Variants in ROS1 observed in about 807,000 individuals in gnomAD.
ROS1 encodes the protein proto-oncogene tyrosine-protein kinase ROS.
A neutral mutation model predicts 273.5 loss-of-function variants in ROS1; 263 were observed. The observed-to-expected ratio is 0.96, with a 90% CI of 0.87 to 1.06. The LOEUF (loss-of-function observed/expected upper bound fraction) is 1.06. Among genes scored for constraint, ROS1 ranks in the 50% least tolerant of loss-of-function variants. The pLI, the probability that ROS1 is intolerant of heterozygous loss-of-function variation, is 0.00. For missense variants in ROS1, 2,833 were observed against 2,751.1 expected (o/e 1.03, Z -0.67); for synonymous variants, 1,008 against 954.1 (o/e 1.06, Z -1.04).
At chr6:117,348,612 TTTTG>T (rs1421089498) in intron 27 of ROS1, among the ~76,000 whole-genome samples, 2 of 151,888 alleles carry the variant, frequency 1.3e-5, no homozygotes, top group African/African-American at 4.8e-5. Flanking sequence ...TTATTTTTTC[TTTTG>T]TTTTAGTTTT....
chr6:117,364,056 A>T (rs929030569), intron 21 of ROS1, among the ~76,000 whole-genome samples: 3 of 152,098 alleles, frequency 2.0e-5, no homozygotes, highest in Non-Finnish European at 4.4e-5. Flanking sequence ...TCTTGCTCCC[A>T]CTGGATCCCC....
chr6:117,310,523 C>G (rs1775460707), intron 40 of ROS1, among the ~76,000 whole-genome samples: 1 of 151,948 alleles, frequency 6.6e-6, no homozygotes, highest in Non-Finnish European at 1.5e-5. Flanking sequence ...AGGTATTTCT[C>G]CTAATGCTCT....
At chr6:117,423,729 A>G (rs1427103543) in intron 1 of ROS1, among the ~76,000 whole-genome samples, 1 of 151,898 alleles carries the variant, frequency 6.6e-6, no homozygotes, top group Non-Finnish European at 1.5e-5. Flanking sequence ...AACATTTCTC[A>G]ATATCAAGAA....
chr6:117,306,065 C>G (rs1033611339), intron 42 of ROS1, among the ~76,000 whole-genome samples: 2 of 142,288 alleles, frequency 1.4e-5, no homozygotes, highest in Admixed American at 7.1e-5. Flanking sequence ...TAGCACAGGA[C>G]TCATTAGCTA....
At chr6:117,336,717 A>T (rs1018323507) in intron 32 of ROS1, among the ~76,000 whole-genome samples, 2 of 152,104 alleles carry the variant, frequency 1.3e-5, no homozygotes, top group Admixed American at 6.6e-5. Context: ...GTCAAATGGT[A>T]TTTTTGGTTC....
chr6:117,344,646 C>T (rs868529662), intron 27 of ROS1, among the ~76,000 whole-genome samples: 17 of 152,198 alleles, frequency 1.1e-4, no homozygotes, highest in African/African-American at 3.6e-4. Context: ...ATCACTGTGG[C>T]GCACCTCTGT....
chr6:117,347,705 G>GT (rs1427918975), intron 27 of ROS1, among the ~76,000 whole-genome samples: 1 of 151,926 alleles, frequency 6.6e-6, no homozygotes, highest in Non-Finnish European at 1.5e-5. Flanking sequence ...TTAACAACAA[G>GT]TTTTTTTATA....
At position 117,394,148 on chromosome 6, in the gene ROS1, C is replaced by T. The variant is rs371717351; in HGVS notation, c.1191+14G>A. On this transcript the variant is annotated intron_variant, in intron 11 of 43. Coordinates refer to ENST00000368507, the MANE Select transcript of ROS1 (RefSeq NM_001378902.1). ...ACTGTCTATCACTATTCCTCTTTAA[C>T]TTCTCGGACTAACCAGTTCATCCAT... The T allele has an allele frequency of 1.3e-6, 2 of 1,545,510 alleles. No individual in the cohort carries two copies. The highest frequency in any genetic ancestry group is 2.8e-5 in the African/African-American group (2 of 71,802).
intron 27 of ROS1, among the ~76,000 whole-genome samples, chr6:117,352,605 ATG>A (rs1778967911): frequency 6.6e-6 from 1 of 152,236 alleles, no homozygotes; most frequent in African/African-American, 2.4e-5. Context: ...TAACAGAAGT[ATG>A]ACCTGTTACC....
At chr6:117,299,805 A>AT (rs2128534389) in intron 43 of ROS1, among the ~76,000 whole-genome samples, 1 of 152,372 alleles carries the variant, frequency 6.6e-6, no homozygotes, top group South Asian at 2.1e-4. Context: ...TTAGGCATAC[A>AT]TAACAGTAAA....
At chr6:117,396,474 A>C (rs531452203) in intron 8 of ROS1, among the ~76,000 whole-genome samples, 1 of 152,260 alleles carries the variant, frequency 6.6e-6, no homozygotes, top group Admixed American at 6.5e-5. Flanking sequence ...TAGAGGTCAA[A>C]AGCTGAACTC....
At chr6:117,349,288 A>G (rs1309782687) in intron 27 of ROS1, among the ~76,000 whole-genome samples, 1 of 151,970 alleles carries the variant, frequency 6.6e-6, no homozygotes, top group African/African-American at 2.4e-5. Flanking sequence ...GGATTATTAC[A>G]TCTTCTTGGA....
In ROS1 at chr6:117,416,407, A is replaced by G. The variant is rs371241879; in HGVS notation, c.169-90T>C. 59 of 839,876 alleles carry G rather than the reference A, an allele frequency of 7.0e-5. No individual in the cohort carries two copies. In the African/African-American group the frequency reaches 7.6e-4, roughly 11 times the overall value. 52.0% of individuals were successfully genotyped at this position (839,876 alleles called of 1,614,324 possible). The stretch of plus-strand genomic sequence containing the variant: ...AAAGTACAATGTAGTAACAAAAGGC[A>G]TCACTCTGTGTTTTAGAAATAGAAA... On this transcript the variant is annotated intron_variant, in intron 2 of 43. Coordinates refer to ENST00000368507, the MANE Select transcript of ROS1 (RefSeq NM_001378902.1).
At chr6:117,392,786 T>A (rs1376345914) in intron 12 of ROS1, among the ~76,000 whole-genome samples, 1 of 152,136 alleles carries the variant, frequency 6.6e-6, no homozygotes, top group African/African-American at 2.4e-5. Flanking sequence ...TTAAAGAACC[T>A]CTTGATAGAT....
chr6:117,292,987 C>A lies in ROS1; in HGVS notation c.6716-4185G>T, dbSNP rs116386157. ...TTGCCACATTCTCATGTATAATAAACAAAGTGCAGTTCTATGAATACCTCA... is the reference window on the plus strand; with the variant it reads ...TTGCCACATTCTCATGTATAATAAAAAAAGTGCAGTTCTATGAATACCTCA... On this transcript the variant is annotated intron_variant, in intron 43 of 43. Transcript: ENST00000368507. Among the ~76,000 whole-genome samples, 1,388 of 152,304 alleles carry A rather than the reference C, an allele frequency of 9.1e-3. 19 individuals are homozygous for A. Among genetic ancestry groups the A allele is most frequent in the African/African-American group, 0.032 (1,315 of 41,564 alleles).
At chr6:117,394,102 C>T (rs746524835) in intron 11 of ROS1, 60 bp downstream of exon 11, 4 of 1,094,542 alleles carry the variant, frequency 3.7e-6, no homozygotes, top group South Asian at 1.8e-5. Flanking sequence ...TTAAATATAC[C>T]AAGATATGCA....
At chr6:117,333,091 A>G (rs1355585750) in intron 32 of ROS1, among the ~76,000 whole-genome samples, 1 of 152,038 alleles carries the variant, frequency 6.6e-6, no homozygotes, top group African/African-American at 2.4e-5. Flanking sequence ...AAATAACAAA[A>G]TATACCACTA....
At chr6:117,299,898 G>C (rs966452462) in intron 43 of ROS1, among the ~76,000 whole-genome samples, 21 of 150,752 alleles carry the variant, frequency 1.4e-4, no homozygotes, top group African/African-American at 4.6e-4. Flanking sequence ...GTCCATTATA[G>C]TAGAATGGTT....
At chr6:117,322,507 C>G (rs1397151337) in intron 35 of ROS1, among the ~76,000 whole-genome samples, 4 of 152,126 alleles carry the variant, frequency 2.6e-5, no homozygotes. Context: ...TTAACTCCCT[C>G]ATTAAATGGC....
Sources: allele counts gnomAD v4.1 joint callset (sites outside exome capture counted in the v4.1 genomes callset), GRCh38; gene constraint gnomAD v4.1.1; transcripts MANE v1.5; gene names NCBI Gene and HGNC (gene_info 2026-07-23, HGNC 2026-07-21).